The following DLC1 variants were observed in gnomAD, a reference collection of about 807,000 sequenced individuals.
DLC1 encodes DLC1 Rho GTPase activating protein.
A neutral mutation model predicts 140.3 loss-of-function variants in DLC1; 54 were observed. The ratio of observed to expected loss-of-function variants is 0.38; its 90% CI spans 0.31 to 0.48. The LOEUF is 0.48. Among genes scored for constraint, DLC1 ranks in the 20% least tolerant of loss-of-function variants. The probability of loss-of-function intolerance (pLI) is 0.96; values close to 1 mark genes in which losing one functional copy is unlikely to be tolerated. For missense variants in DLC1, 2,536 were observed against 1,907.0 expected (o/e 1.33, Z -6.14); for synonymous variants, 986 against 728.1 (o/e 1.35, Z -5.70).
intron 2 of DLC1, among the ~76,000 whole-genome samples, chr8:13,445,870 A>T (rs1338277924): frequency 1.3e-5 from 2 of 152,188 alleles, no homozygotes; most frequent in African/African-American, 2.4e-5. Context: ...CTATTGAGAG[A>T]TACAAAGAAA....
intron 5 of DLC1, among the ~76,000 whole-genome samples, chr8:13,235,888 A>G (rs1187195850): frequency 1.3e-5 from 2 of 152,012 alleles, no homozygotes; most frequent in Non-Finnish European, 2.9e-5. Flanking sequence ...GCTGACATCT[A>G]TTTTCAGAGA....
intron 2 of DLC1, among the ~76,000 whole-genome samples, chr8:13,464,745 A>ATT (rs1799843069): frequency 4.6e-5 from 5 of 108,474 alleles, no homozygotes; most frequent in South Asian, 2.8e-4. Context: ...AGAATTTTAA[A>ATT]TTATATATAT....
At chr8:13,553,228 GTATATA>G (rs59463537) in intron 1 of DLC1, among the ~76,000 whole-genome samples, 1 of 47,478 alleles carries the variant, frequency 2.1e-5, no homozygotes, top group Non-Finnish European at 4.3e-5. Context: ...ATATATATAT[GTATATA>G]TATATATATA....
intron 1 of DLC1, among the ~76,000 whole-genome samples, chr8:13,590,764 T>A (rs2117472281): frequency 6.6e-6 from 1 of 152,254 alleles, no homozygotes; most frequent in East Asian, 1.9e-4. Context: ...ATGCCATTAT[T>A]TAAAAGTTCT....
At chr8:13,280,254 C>G (rs1178909457) in intron 5 of DLC1, among the ~76,000 whole-genome samples, 1 of 135,118 alleles carries the variant, frequency 7.4e-6, no homozygotes. Flanking sequence ...CACCACTGCA[C>G]TCCAGCCTGG....
rs1163303928 is a variant in DLC1 at position 13,312,385 on chromosome 8, A to AT, written c.1315-7084_1315-7083insA. ...CAAAAAAAAAAAAAAAAAAAAAAAA[A>AT]AAATAATTTCTTTAGCAAGCTAGAT... On this transcript the variant is annotated intron_variant, in intron 4 of 17. Coordinates refer to ENST00000276297, the MANE Select transcript of DLC1 (RefSeq NM_182643.3). Among the ~76,000 whole-genome samples the AT allele has an allele frequency of 2.8e-3, 399 of 142,644 alleles. 36 individuals are homozygous for AT. The highest frequency in any genetic ancestry group is 7.8e-3 in the African/African-American group (304 of 39,110). 93.6% of individuals were successfully genotyped at this position (142,644 alleles called of 152,430 possible).
intron 12 of DLC1, among the ~76,000 whole-genome samples, chr8:13,093,667 T>A (rs1818271952): frequency 6.6e-6 from 1 of 152,146 alleles, no homozygotes; most frequent in South Asian, 2.1e-4. Flanking sequence ...TTACAGCACA[T>A]AACAAATACC....
intron 5 of DLC1, among the ~76,000 whole-genome samples, chr8:13,150,775 C>T (rs2410029): frequency 0.55 from 83,760 of 152,074 alleles, 23,733 homozygotes; most frequent in Non-Finnish European, 0.63. Flanking sequence ...TAAAATCTCA[C>T]TGAGGGGTCT....
At chr8:13,229,222 G>C (rs1828935909) in intron 5 of DLC1, among the ~76,000 whole-genome samples, 1 of 152,142 alleles carries the variant, frequency 6.6e-6, no homozygotes, top group African/African-American at 2.4e-5. Context: ...ATGAAGTGTG[G>C]TATATACACA....
chr8:13,597,179 T>C (rs1429847308), intron 1 of DLC1, among the ~76,000 whole-genome samples: 1 of 152,088 alleles, frequency 6.6e-6, no homozygotes, highest in Non-Finnish European at 1.5e-5. Flanking sequence ...GATATAATTC[T>C]AACATTCAGA....
At chr8:13,131,212 G>A (rs899988444) in intron 5 of DLC1, among the ~76,000 whole-genome samples, 7 of 152,060 alleles carry the variant, frequency 4.6e-5, no homozygotes, top group African/African-American at 7.2e-5. Context: ...TATTTCCACC[G>A]AGGACCAGTC....
At chr8:13,124,523 T>A (rs1018279486) in intron 5 of DLC1, among the ~76,000 whole-genome samples, 1 of 152,200 alleles carries the variant, frequency 6.6e-6, no homozygotes, top group Non-Finnish European at 1.5e-5. Flanking sequence ...GCAACCAACA[T>A]TATTTCCTCA....
chr8:13,367,360 C>T (rs1432924142), intron 4 of DLC1, among the ~76,000 whole-genome samples: 1 of 152,140 alleles, frequency 6.6e-6, no homozygotes, highest in Non-Finnish European at 1.5e-5. Context: ...TCTACACTGT[C>T]CTTAAAGATC....
At chr8:13,361,171 G>A (rs1241404772) in intron 4 of DLC1, among the ~76,000 whole-genome samples, 2 of 152,152 alleles carry the variant, frequency 1.3e-5, no homozygotes, top group South Asian at 2.1e-4. Context: ...GGTTGAGGCT[G>A]CAGTGAGCCT....
chr8:13,375,027 ATT>A (rs35721536), intron 4 of DLC1, among the ~76,000 whole-genome samples: 18,400 of 133,716 alleles, frequency 0.14, 1,285 homozygotes, highest in Non-Finnish European at 0.17. Flanking sequence ...AATGCTTGTG[ATT>A]TTTTTTTTTT....
chr8:13,315,107 C>T (rs1832817097), intron 4 of DLC1, among the ~76,000 whole-genome samples: 1 of 152,160 alleles, frequency 6.6e-6, no homozygotes, highest in Admixed American at 6.5e-5. Flanking sequence ...GTTTATGACA[C>T]TGAAGACTAA....
intron 5 of DLC1, among the ~76,000 whole-genome samples, chr8:13,151,137 G>C (rs187013913): frequency 6.6e-6 from 1 of 152,320 alleles, no homozygotes; most frequent in African/African-American, 2.4e-5. Flanking sequence ...GTAAAGATCT[G>C]TGGGCAGATG....
chr8:13,268,442 G>A (rs1830780190), intron 5 of DLC1, among the ~76,000 whole-genome samples: 1 of 152,104 alleles, frequency 6.6e-6, no homozygotes, highest in Non-Finnish European at 1.5e-5. Flanking sequence ...AGTCTCCCGA[G>A]TAGCTGGGAC....
intron 2 of DLC1, among the ~76,000 whole-genome samples, chr8:13,452,962 C>G (rs115508192): frequency 6.6e-6 from 1 of 152,060 alleles, no homozygotes; most frequent in Admixed American, 6.6e-5. Context: ...TAGTAGCTCA[C>G]AGTTTCTTGT....
Sources: allele counts gnomAD v4.1 joint callset (sites outside exome capture counted in the v4.1 genomes callset), GRCh38; gene constraint gnomAD v4.1.1; transcripts MANE v1.5; gene names NCBI Gene and HGNC (gene_info 2026-07-23, HGNC 2026-07-21).